Variants in DYRK1A observed in about 807,000 individuals in gnomAD.
The protein encoded by DYRK1A is dual specificity tyrosine-phosphorylation-regulated kinase 1A.
DYRK1A carries 9 observed loss-of-function variants against 79.7 expected under a neutral mutation model. The observed-to-expected ratio is 0.11, with a 90% CI of 0.07 to 0.20. The LOEUF is 0.20. DYRK1A is among the 10% of genes least tolerant of loss of function. DYRK1A has a pLI of 1.00. For missense variants in DYRK1A, 622 were observed against 956.0 expected (o/e 0.65, Z 4.61); for synonymous variants, 349 against 329.7 (o/e 1.06, Z -0.63).
intron 2 of DYRK1A, among the ~76,000 whole-genome samples, chr21:37,435,259 T>A (rs2050890514): frequency 6.6e-6 from 1 of 152,234 alleles, no homozygotes; most frequent in Non-Finnish European, 1.5e-5. Flanking sequence ...CCTAGTTTGA[T>A]TGGCTAGCAT....
intron 2 of DYRK1A, among the ~76,000 whole-genome samples, chr21:37,438,978 A>G (rs1042042218): frequency 1.3e-5 from 2 of 151,794 alleles, no homozygotes; most frequent in Non-Finnish European, 2.9e-5. Context: ...CCTTTCTCTC[A>G]TTTTTCTAAT....
At chr21:37,403,501 G>C (rs1266442103) in intron 1 of DYRK1A, among the ~76,000 whole-genome samples, 1 of 150,994 alleles carries the variant, frequency 6.6e-6, no homozygotes, top group East Asian at 1.9e-4. Context: ...CCAGTCTGGA[G>C]TGCAGTGGTG....
Position 37,443,262 on chromosome 21 carries a change from A to C in DYRK1A, c.10+22878A>C, listed in dbSNP as rs140960818. Among the ~76,000 whole-genome samples, 851 of 152,208 alleles carry C rather than the reference A, an allele frequency of 5.6e-3. 6 individuals carry two copies. Among genetic ancestry groups the C allele is most frequent in the African/African-American group, 0.02 (816 of 41,526 alleles). On this transcript the variant is annotated intron_variant, in intron 2 of 11. Transcript: ENST00000647188. The stretch of plus-strand genomic sequence containing the variant: ...ACTCCTCAAGAGATCCTCCTGCTTC[A>C]GCCTCCCAAAGCACTGGGATTACAG...
In DYRK1A at chr21:37,521,951, A is replaced by T. The variant is rs2053937757; in HGVS notation, c.*9420A>T. On this transcript the variant is annotated 3_prime_UTR_variant, in exon 12 of 12. Transcript: ENST00000647188. ...GTCCGGTAGGCATCTGAAAGAATGG[A>T]TGGAGGAGGGGAAAGTCGGGCCTGG... 2 of 152,164 alleles carry T rather than the reference A, an allele frequency of 1.3e-5. No individual in the cohort carries two copies. Among genetic ancestry groups the T allele is most frequent in the East Asian group, 3.9e-4 (2 of 5,192 alleles). The allele number at this position is 152,164 out of a possible 1,614,324, so 9.4% of individuals were successfully genotyped here. A position where few individuals can be genotyped will look rare whatever the true frequency, so the allele number is the denominator to read the frequency against.
intron 2 of DYRK1A, among the ~76,000 whole-genome samples, chr21:37,458,929 G>C (rs148717981): frequency 1.3e-5 from 2 of 152,296 alleles, no homozygotes; most frequent in East Asian, 3.9e-4. Context: ...CTCATCTCCT[G>C]ACTGAGAGTG....
At chr21:37,380,666 T>A (rs980193341) in intron 1 of DYRK1A, among the ~76,000 whole-genome samples, 1 of 152,050 alleles carries the variant, frequency 6.6e-6, no homozygotes, top group African/African-American at 2.4e-5. Context: ...AAAGTTCACT[T>A]GAGTGAGCAG....
At position 37,435,276 on chromosome 21, in the gene DYRK1A, T is replaced by G. The variant is rs149604536; in HGVS notation, c.10+14892T>G. Among the ~76,000 whole-genome samples, 27 of 152,352 alleles carry G rather than the reference T, an allele frequency of 1.8e-4. No homozygotes were observed. The East Asian group carries it at 4.8e-3, about 27-fold the overall frequency. Reference sequence around the variant, plus strand: ...TAGTTTGATTGGCTAGCATCCTGACTAACAGTTCCAATCATATGGTGTCGG... The same window carrying G: ...TAGTTTGATTGGCTAGCATCCTGACGAACAGTTCCAATCATATGGTGTCGG... On this transcript the variant is annotated intron_variant, in intron 2 of 11. Transcript: ENST00000647188.
chr21:37,468,510 T>C (rs376261748), intron 2 of DYRK1A, among the ~76,000 whole-genome samples: 7 of 152,158 alleles, frequency 4.6e-5, no homozygotes, highest in Middle Eastern at 3.4e-3. Context: ...GAGACCTAGG[T>C]AGGTAAGTCT....
chr21:37,435,566 AAC>A (rs1179553335), intron 2 of DYRK1A, among the ~76,000 whole-genome samples: 1 of 152,264 alleles, frequency 6.6e-6, no homozygotes, highest in African/African-American at 2.4e-5. Context: ...AATACTTCAT[AAC>A]ACAAAAGGAA....
At position 37,505,570 on chromosome 21, in the gene DYRK1A, C is replaced by T. The variant is rs1016115297; in HGVS notation, c.1500C>T (p.Ser500=). ...MEQSQSSGTT[S]STSSSSGGSS... is the part of the protein sequence containing the mutation. ...AGTCTCAGTCTTCGGGCACCACCTCCAGTACATCGTCAAGCTCAGGTCTGT... is the reference window on the plus strand; with the variant it reads ...AGTCTCAGTCTTCGGGCACCACCTCTAGTACATCGTCAAGCTCAGGTCTGT... The change falls in exon 10 of 12, where the codon TCC becomes TCT. Residue 500 remains serine (S), a synonymous_variant. Coordinates refer to ENST00000647188, the MANE Select transcript of DYRK1A (RefSeq NM_001347721.2). 6.2e-7 allele frequency: 1 copy of T among 1,605,568 alleles called. No individual in the cohort carries two copies. Among genetic ancestry groups the T allele is most frequent in the African/African-American group, 1.3e-5 (1 of 74,890 alleles).
intron 1 of DYRK1A, among the ~76,000 whole-genome samples, chr21:37,418,752 C>A (rs2148424939): frequency 6.6e-6 from 1 of 152,274 alleles, no homozygotes; most frequent in African/African-American, 2.4e-5. Context: ...TAGTGTTCAT[C>A]CATCTAGTCA....
In DYRK1A at chr21:37,518,312, CCCACTT is replaced by C. The variant is rs981002511; in HGVS notation, c.*5785_*5790del. 1 of 152,254 alleles carries C rather than the reference CCCACTT, an allele frequency of 6.6e-6. No individual in the cohort carries two copies. The highest frequency in any genetic ancestry group is 2.4e-5 in the African/African-American group (1 of 41,440). 9.4% of individuals were successfully genotyped at this position (152,254 alleles called of 1,614,324 possible). ...GGAGGAGCTCACTTCAGGCACCACT[CCCACTT>C]CCATTGCCCGCAAATCCAGGAAAGA... On this transcript the variant is annotated 3_prime_UTR_variant, in exon 12 of 12. Transcript: ENST00000647188.
intron 2 of DYRK1A, chr21:37,430,415 A>C (rs573469177): frequency 1.0e-6 from 1 of 985,158 alleles, no homozygotes; most frequent in African/African-American, 1.7e-5. Flanking sequence ...GGTACATTTT[A>C]AAAGATGATT....
intron 2 of DYRK1A, among the ~76,000 whole-genome samples, chr21:37,429,941 T>C (rs2050731756): frequency 6.6e-6 from 1 of 152,242 alleles, no homozygotes; most frequent in East Asian, 1.9e-4. Flanking sequence ...TTTGTAGCTG[T>C]GTTTTAGTAT....
intron 6 of DYRK1A, 115 bp from the exon 7 acceptor site, chr21:37,490,060 T>A: frequency 9.2e-7 from 1 of 1,089,430 alleles, no homozygotes; most frequent in East Asian, 2.5e-5. Context: ...CTCCAAACTT[T>A]AACTGAACTC....
intron 1 of DYRK1A, among the ~76,000 whole-genome samples, chr21:37,370,482 C>T (rs1359488031): frequency 1.3e-5 from 2 of 152,096 alleles, no homozygotes; most frequent in African/African-American, 4.8e-5. Flanking sequence ...GTGGGCTTCA[C>T]TTGTGACTTT....
At chr21:37,492,608 T>C (rs1272089421) in intron 7 of DYRK1A, among the ~76,000 whole-genome samples, 6 of 152,216 alleles carry the variant, frequency 3.9e-5, no homozygotes, top group Non-Finnish European at 7.4e-5. Flanking sequence ...GAGAAATACA[T>C]TGTTTGGGTT....
chr21:37,488,465 A>G (rs903562868), intron 6 of DYRK1A: 3 of 726,222 alleles, frequency 4.1e-6, no homozygotes, highest in Admixed American at 6.3e-5. Context: ...AAAAACATCT[A>G]CTTCTTTACT....
intron 9 of DYRK1A, among the ~76,000 whole-genome samples, chr21:37,496,502 A>G (rs890594909): frequency 1.3e-5 from 2 of 152,222 alleles, no homozygotes; most frequent in African/African-American, 4.8e-5. Flanking sequence ...GTATGCCTGC[A>G]TTTTGAGGCA....
Sources: gnomAD v4.1 joint callset for allele counts (sites outside exome capture counted in the v4.1 genomes callset) on GRCh38, gnomAD v4.1.1 for gene constraint, MANE v1.5 for transcripts, NCBI Gene and HGNC (gene_info 2026-07-23, HGNC 2026-07-21) for gene names.